The following PARPBP variants were observed in gnomAD, a reference collection of about 807,000 sequenced individuals.
PARPBP encodes PCNA-interacting partner.
Under a neutral mutation model 50.0 loss-of-function variants are expected in PARPBP, and 52 were observed. The observed-to-expected ratio is 1.04, with a 90% CI of 0.83 to 1.31. The LOEUF is 1.31. PARPBP is among the 50% of genes most tolerant of loss of function. The probability of loss-of-function intolerance (pLI) is 0.00; values close to 1 mark genes in which losing one functional copy is unlikely to be tolerated. For synonymous variants in PARPBP, 244 were observed against 232.1 expected, an observed-to-expected ratio of 1.05 and a Z score of -0.47; for missense variants, 697 against 672.0, an observed-to-expected ratio of 1.04 and a Z score of -0.41.
In PARPBP at chr12:102,165,841, T is replaced by C. The variant is rs1888084917; in HGVS notation, c.779T>C (p.Ile260Thr). The change falls in exon 6 of 11, where the codon ATT (isoleucine) becomes ACT (threonine). Residue 260 changes from isoleucine to threonine, a missense_variant. Coordinates refer to ENST00000327680, the MANE Select transcript of PARPBP (RefSeq NM_017915.5). Reference protein sequence around the residue: ...VKGLSNFINFIDKLDEILGEI... With the variant: ...VKGLSNFINFTDKLDEILGEI... ...GGATTGTCTAATTTTATTAATTTCATTGACAAATTAGATGAGATTCTTGGA... is the reference window on the plus strand; with the variant it reads ...GGATTGTCTAATTTTATTAATTTCACTGACAAATTAGATGAGATTCTTGGA... The C allele has an allele frequency of 6.3e-7, 1 of 1,582,710 alleles. No individual in the cohort carries two copies. Among genetic ancestry groups the C allele is most frequent in the African/African-American group, 1.3e-5 (1 of 74,422 alleles).
intron 4 of PARPBP, among the ~76,000 whole-genome samples, chr12:102,161,669 C>T (rs999248108): frequency 4.6e-5 from 7 of 151,834 alleles, no homozygotes; most frequent in East Asian, 3.9e-4. Context: ...GCCTGTAATC[C>T]CAGCACTTTG....
intron 2 of PARPBP, among the ~76,000 whole-genome samples, chr12:102,145,317 A>G (rs1379812794): frequency 2.6e-5 from 4 of 152,190 alleles, no homozygotes; most frequent in Non-Finnish European, 4.4e-5. Context: ...AGTGGAAACT[A>G]CTAAAATATT....
At chr12:102,155,967 C>T (rs1028785696) in intron 4 of PARPBP, among the ~76,000 whole-genome samples, 3 of 152,100 alleles carry the variant, frequency 2.0e-5, no homozygotes, top group Non-Finnish European at 2.9e-5. Context: ...GGTTCTCTTC[C>T]GTGACCCACG....
At chr12:102,184,467 G>A (rs1471166197) in intron 9 of PARPBP, among the ~76,000 whole-genome samples, 1 of 152,058 alleles carries the variant, frequency 6.6e-6, no homozygotes, top group Non-Finnish European at 1.5e-5. Flanking sequence ...GAAAGTTTTG[G>A]GAAATAGAAC....
chr12:102,192,050 CTCTTT>C (rs1199562721), intron 9 of PARPBP, among the ~76,000 whole-genome samples: 1 of 152,078 alleles, frequency 6.6e-6, no homozygotes, highest in African/African-American at 2.4e-5. Context: ...GAAAAGCAAT[CTCTTT>C]TAAGTTATAA....
chr12:102,144,865 A>G lies in PARPBP; in HGVS notation c.154-3365A>G, dbSNP rs1025795826. 2.0e-5 allele frequency among the ~76,000 whole-genome samples: 3 copies of G among 152,186 alleles called. No homozygotes were observed. In the East Asian group the frequency reaches 5.8e-4, roughly 29 times the overall value. On this transcript the variant is annotated intron_variant, in intron 2 of 10. Coordinates refer to ENST00000327680, the MANE Select transcript of PARPBP (RefSeq NM_017915.5). Reference sequence around the variant, plus strand: ...GTTTTTGGTACAATGCTGGAAAATTACAAATATGTCCTACATTTGGAGAAT... The same window carrying G: ...GTTTTTGGTACAATGCTGGAAAATTGCAAATATGTCCTACATTTGGAGAAT...
chr12:102,163,250 C>T (rs1047911239), intron 4 of PARPBP, among the ~76,000 whole-genome samples: 10 of 152,228 alleles, frequency 6.6e-5, no homozygotes, highest in African/African-American at 9.6e-5. Flanking sequence ...TTATTGTAAT[C>T]GTATAGTAAT....
chr12:102,183,234 G>A (rs1360655983), intron 9 of PARPBP, among the ~76,000 whole-genome samples: 1 of 151,558 alleles, frequency 6.6e-6, no homozygotes, highest in Non-Finnish European at 1.5e-5. Flanking sequence ...TACTTTTATT[G>A]GGTATCTACT....
At chr12:102,141,063 A>G (rs913555885) in intron 2 of PARPBP, among the ~76,000 whole-genome samples, 5 of 152,174 alleles carry the variant, frequency 3.3e-5, no homozygotes, top group Admixed American at 6.5e-5. Context: ...TTGTTGATCT[A>G]TCTAATGTTG....
chr12:102,145,617 T>A (rs186997290), intron 2 of PARPBP, among the ~76,000 whole-genome samples: 1 of 152,328 alleles, frequency 6.6e-6, no homozygotes. Context: ...AATATTAGCA[T>A]GCAAACATGT....
intron 2 of PARPBP, among the ~76,000 whole-genome samples, chr12:102,134,862 G>C (rs1883388407): frequency 6.6e-6 from 1 of 152,204 alleles, no homozygotes; most frequent in Admixed American, 6.5e-5. Context: ...TTTTTTTATA[G>C]AGACAGGGTT....
intron 9 of PARPBP, among the ~76,000 whole-genome samples, chr12:102,187,229 GC>G (rs1185096402): frequency 6.6e-6 from 1 of 152,120 alleles, no homozygotes; most frequent in Non-Finnish European, 1.5e-5. Context: ...GAGTGAAGAG[GC>G]ATAGAATGAT....
chr12:102,175,644 C>T lies in PARPBP; in HGVS notation c.983C>T (p.Thr328Ile). ...CAAGAAGGTGTTGTAGCTCTTAGCA[C>T]CACTGACATCAGTCCTGCTCGGGTA... ...NSQEGVVALS[T>I]TDISPARPKS... is the part of the protein sequence containing the mutation. Residue 328 changes from threonine (T) to isoleucine (I), a missense_variant, in exon 7 of 11, where the codon ACC (threonine) becomes ATC (isoleucine). Coordinates refer to ENST00000327680, the MANE Select transcript of PARPBP (RefSeq NM_017915.5). 1 of 1,611,944 alleles carries T rather than the reference C, an allele frequency of 6.2e-7. No individual in the cohort carries two copies.
chr12:102,162,539 C>T (rs1293153727), intron 4 of PARPBP, among the ~76,000 whole-genome samples: 3 of 152,074 alleles, frequency 2.0e-5, no homozygotes, highest in Admixed American at 6.6e-5. Flanking sequence ...TTTAATTTTG[C>T]GCTGCTCATG....
At chr12:102,131,052 C>T (rs1195993007) in intron 2 of PARPBP, among the ~76,000 whole-genome samples, 1 of 152,004 alleles carries the variant, frequency 6.6e-6, no homozygotes. Flanking sequence ...CAAAAAGTAA[C>T]AGTGGCTCAC....
At chr12:102,153,718 GA>G in intron 3 of PARPBP, 150 bp from the exon 4 acceptor site, 1 of 548,546 alleles carries the variant, frequency 1.8e-6, no homozygotes, top group Non-Finnish European at 3.3e-6. Flanking sequence ...ATTACATTAT[GA>G]AGTTTAATTA....
At chr12:102,172,867 A>AGGG (rs1888887048) in intron 6 of PARPBP, among the ~76,000 whole-genome samples, 1 of 152,194 alleles carries the variant, frequency 6.6e-6, no homozygotes, top group Non-Finnish European at 1.5e-5. Flanking sequence ...AAAAGCATAT[A>AGGG]ATGTTAATTA....
intron 4 of PARPBP, among the ~76,000 whole-genome samples, chr12:102,154,253 TTTGACTC>T (rs1886591156): frequency 6.6e-6 from 1 of 152,210 alleles, no homozygotes; most frequent in Non-Finnish European, 1.5e-5. Context: ...GTCAGAGTTC[TTTGACTC>T]TCTTTGGTAA....
At chr12:102,185,985 C>T (rs1890265007) in intron 9 of PARPBP, among the ~76,000 whole-genome samples, 1 of 152,076 alleles carries the variant, frequency 6.6e-6, no homozygotes, top group Non-Finnish European at 1.5e-5. Context: ...GCTTCAGTCT[C>T]ATTACTTATT....
Sources: gnomAD v4.1 joint callset for allele counts (sites outside exome capture counted in the v4.1 genomes callset) on GRCh38, gnomAD v4.1.1 for gene constraint, MANE v1.5 for transcripts, NCBI Gene and HGNC (gene_info 2026-07-23, HGNC 2026-07-21) for gene names.